Variants in PAQR5 observed in about 807,000 individuals in gnomAD.
PAQR5 encodes membrane progestin receptor gamma.
PAQR5 carries 20 observed loss-of-function variants against 34.5 expected under a neutral mutation model. The observed-to-expected ratio is 0.58, with a 90% CI of 0.41 to 0.84. The LOEUF is 0.84. PAQR5 is among the 40% of genes least tolerant of loss of function. The pLI, the probability that PAQR5 is intolerant of heterozygous loss-of-function variation, is 0.00. For missense variants in PAQR5, 378 were observed against 412.7 expected, an observed-to-expected ratio of 0.92 and a Z score of 0.73; for synonymous variants, 131 against 155.6, an observed-to-expected ratio of 0.84 and a Z score of 1.18.
chr15:69,367,478 A>G (rs2055432622), intron 3 of PAQR5, among the ~76,000 whole-genome samples: 1 of 152,216 alleles, frequency 6.6e-6, no homozygotes, highest in Non-Finnish European at 1.5e-5. Flanking sequence ...ACATCACACT[A>G]CATAGCTAAG....
At chr15:69,356,521 G>A (rs1046385770) in intron 2 of PAQR5, among the ~76,000 whole-genome samples, 5 of 152,108 alleles carry the variant, frequency 3.3e-5, no homozygotes, top group Admixed American at 6.6e-5. Flanking sequence ...CCATTTTTAA[G>A]TGTATAGCTC....
intron 1 of PAQR5, among the ~76,000 whole-genome samples, chr15:69,301,898 G>A (rs1162634445): frequency 1.3e-5 from 1 of 76,278 alleles, no homozygotes; most frequent in Non-Finnish European, 2.5e-5. Flanking sequence ...TTTTTTTTTA[G>A]CACAGTGTTA....
rs148872912 is a variant in PAQR5, at chr15:69,313,365, G to A, written c.-277+14309G>A. Among the ~76,000 whole-genome samples the A allele has an allele frequency of 5.0e-3, 758 of 152,156 alleles. 3 individuals carry two copies. The highest frequency in any genetic ancestry group is 8.0e-3 in the Non-Finnish European group (542 of 68,000). ...ATTTTAAAAATTAGCTGGGCATGGT[G>A]GTGTGTGCCTGTAGTTCCAGCTACT... On this transcript the variant is annotated intron_variant, in intron 1 of 8. Transcript: ENST00000395407.
intron 1 of PAQR5, among the ~76,000 whole-genome samples, chr15:69,336,263 T>C (rs2054513755): frequency 6.6e-6 from 1 of 152,198 alleles, no homozygotes; most frequent in Non-Finnish European, 1.5e-5. Flanking sequence ...CAAAATCAAA[T>C]TATAAATTAT....
At chr15:69,402,149 A>T (rs767181812) in intron 8 of PAQR5, among the ~76,000 whole-genome samples, 3 of 152,148 alleles carry the variant, frequency 2.0e-5, no homozygotes, top group Non-Finnish European at 4.4e-5. Context: ...TAAACAACTG[A>T]AATTTATTTT....
chr15:69,369,096 C>G (rs1207787591), intron 3 of PAQR5, among the ~76,000 whole-genome samples: 1 of 152,154 alleles, frequency 6.6e-6, no homozygotes, highest in Non-Finnish European at 1.5e-5. Flanking sequence ...GGCTTGTTTC[C>G]TGTTTATCTT....
intron 3 of PAQR5, among the ~76,000 whole-genome samples, chr15:69,368,759 A>G (rs1162056560): frequency 6.6e-6 from 1 of 151,836 alleles, no homozygotes; most frequent in African/African-American, 2.4e-5. Context: ...TTAATTTCTA[A>G]AAGTTATATT....
At chr15:69,360,329 T>C (rs530629456) in intron 3 of PAQR5, among the ~76,000 whole-genome samples, 198 bp downstream of exon 3, 30 of 152,340 alleles carry the variant, frequency 2.0e-4, no homozygotes, top group African/African-American at 7.2e-4. Flanking sequence ...ATTCCCAAAG[T>C]TGTTTAAGTT....
intron 2 of PAQR5, among the ~76,000 whole-genome samples, chr15:69,355,279 C>T (rs1305412244): frequency 1.3e-5 from 2 of 150,814 alleles, no homozygotes; most frequent in Non-Finnish European, 3.0e-5. Context: ...TTCTTTCTCT[C>T]TTTCTTTCTT....
In PAQR5 at chr15:69,404,107, A is replaced by C. The variant is rs2056715429; in HGVS notation, c.*285A>C. ...TTAAATTTACTTAAAATGTGGTTTT[A>C]AATTCTATTTAAACATTTGGATTAA... On this transcript the variant is annotated 3_prime_UTR_variant, in exon 9 of 9. Coordinates refer to ENST00000395407, the MANE Select transcript of PAQR5 (RefSeq NM_017705.4). 2.9e-6 allele frequency: 1 copy of C among 339,514 alleles called. No individual in the cohort carries two copies. The allele number at this position is 339,514 out of a possible 1,614,324, so 21.0% of individuals were successfully genotyped here.
intron 1 of PAQR5, among the ~76,000 whole-genome samples, chr15:69,327,948 T>G (rs2054291653): frequency 6.6e-6 from 1 of 151,806 alleles, no homozygotes; most frequent in African/African-American, 2.4e-5. Flanking sequence ...CCGGCTAATT[T>G]TTTTGTATTT....
Position 69,397,699 on chromosome 15 carries a change from G to GGCC in PAQR5, c.609+136_609+138dup, listed in dbSNP as rs1445576771. On this transcript the variant is annotated intron_variant, in intron 7 of 8. Transcript: ENST00000395407. ...CAGGAGTCGAGACCCAGGTGAAGGGGGCCAGCCCCTCCACACCTGTGGGTA... is the reference window on the plus strand; with the variant it reads ...CAGGAGTCGAGACCCAGGTGAAGGGGGCCGCCAGCCCCTCCACACCTGTGGGTA... 33 of 687,612 alleles carry GGCC rather than the reference G, an allele frequency of 4.8e-5. No homozygotes were observed. The South Asian group carries it at 5.4e-4, about 11-fold the overall frequency. 42.6% of individuals were successfully genotyped at this position (687,612 alleles called of 1,614,324 possible).
chr15:69,342,655 G>A (rs1164632595), intron 2 of PAQR5, among the ~76,000 whole-genome samples: 1 of 152,092 alleles, frequency 6.6e-6, no homozygotes, highest in Non-Finnish European at 1.5e-5. Flanking sequence ...GAGGACTGCT[G>A]GGGCCTTCTG....
At chr15:69,344,081 GC>G (rs1468771772) in intron 2 of PAQR5, among the ~76,000 whole-genome samples, 4 of 152,112 alleles carry the variant, frequency 2.6e-5, no homozygotes, top group Non-Finnish European at 5.9e-5. Context: ...CAATCCACCT[GC>G]CTTGGCCTCC....
chr15:69,305,123 G>A (rs549992879), intron 1 of PAQR5, among the ~76,000 whole-genome samples: 1 of 152,290 alleles, frequency 6.6e-6, no homozygotes, highest in South Asian at 2.1e-4. Context: ...GTGGGCGGTG[G>A]AGAGGGGGGA....
chr15:69,339,232 G>C (rs899686235), intron 2 of PAQR5, among the ~76,000 whole-genome samples: 2 of 149,406 alleles, frequency 1.3e-5, no homozygotes, highest in Non-Finnish European at 3.0e-5. Context: ...CAGGGAGACT[G>C]ATTTGAGTAA....
At chr15:69,319,755 C>A (rs544570901) in intron 1 of PAQR5, among the ~76,000 whole-genome samples, 1 of 152,140 alleles carries the variant, frequency 6.6e-6, no homozygotes, top group Non-Finnish European at 1.5e-5. Context: ...GAGCAGCATG[C>A]GGGTGCTTGC....
chr15:69,364,740 T>G (rs2055347569), intron 3 of PAQR5, among the ~76,000 whole-genome samples: 1 of 151,426 alleles, frequency 6.6e-6, no homozygotes, highest in African/African-American at 2.4e-5. Flanking sequence ...TCCCTCATAA[T>G]TTTTTTTATT....
chr15:69,364,534 A>G (rs779490006), intron 3 of PAQR5, among the ~76,000 whole-genome samples: 33 of 147,942 alleles, frequency 2.2e-4, no homozygotes, highest in Admixed American at 8.2e-4. Context: ...ATATATATAC[A>G]TTATATATGT....
Sources: allele counts gnomAD v4.1 joint callset (sites outside exome capture counted in the v4.1 genomes callset), GRCh38; gene constraint gnomAD v4.1.1; transcripts MANE v1.5; gene names NCBI Gene and HGNC (gene_info 2026-07-23, HGNC 2026-07-21).